ADGRL3: variants seen among roughly 807,000 people sequenced by gnomAD.
ADGRL3 encodes the protein adhesion G protein-coupled receptor L3, also known as calcium-independent alpha-latrotoxin receptor 3.
Under a neutral mutation model 153.5 loss-of-function variants are expected in ADGRL3, and 62 were observed. That is an observed-to-expected ratio of 0.40 (90% CI 0.33 to 0.50). The LOEUF is 0.50. ADGRL3 is among the 20% of genes least tolerant of loss of function. The probability of loss-of-function intolerance (pLI) is 0.47; values close to 1 mark genes in which losing one functional copy is unlikely to be tolerated. For synonymous variants in ADGRL3, 710 were observed against 672.5 expected, an observed-to-expected ratio of 1.06 and a Z score of -0.86; for missense variants, 1,641 against 1,859.4, an observed-to-expected ratio of 0.88 and a Z score of 2.16.
intron 1 of ADGRL3, among the ~76,000 whole-genome samples, chr4:61,349,858 A>G (rs1397627255): frequency 2.0e-5 from 3 of 152,146 alleles, no homozygotes; most frequent in Non-Finnish European, 2.9e-5. Flanking sequence ...GAATCAATAG[A>G]TGAATGAATG....
At chr4:61,391,059 A>G (rs2096796366) in intron 2 of ADGRL3, among the ~76,000 whole-genome samples, 3 of 152,166 alleles carry the variant, frequency 2.0e-5, no homozygotes, top group African/African-American at 4.8e-5. Context: ...CACTTGAGTT[A>G]TTTCTAATTT....
intron 4 of ADGRL3, among the ~76,000 whole-genome samples, chr4:61,532,542 G>A (rs938762087): frequency 9.1e-5 from 6 of 65,662 alleles, no homozygotes; most frequent in Admixed American, 5.9e-4. Context: ...GCGCGCGCGC[G>A]CGCGCGCGCG....
chr4:61,456,607 G>C (rs1251558096), intron 2 of ADGRL3, among the ~76,000 whole-genome samples: 2 of 150,634 alleles, frequency 1.3e-5, no homozygotes, highest in African/African-American at 4.9e-5. Context: ...GTGTAGCAGA[G>C]GCAGATAAAA....
At chr4:61,457,290 G>A (rs150137369) in intron 2 of ADGRL3, among the ~76,000 whole-genome samples, 311 of 151,908 alleles carry the variant, frequency 2.0e-3, no homozygotes, top group African/African-American at 5.7e-3. Flanking sequence ...CTGGCATCTG[G>A]TAGTCATAAT....
At chr4:61,839,733 G>A (rs1362473299) in intron 9 of ADGRL3, among the ~76,000 whole-genome samples, 1 of 151,712 alleles carries the variant, frequency 6.6e-6, no homozygotes, top group Non-Finnish European at 1.5e-5. Context: ...TAGGAGGTCA[G>A]GACCAGCATG....
At chr4:61,860,983 T>C (rs1169159241) in intron 9 of ADGRL3, among the ~76,000 whole-genome samples, 1 of 152,182 alleles carries the variant, frequency 6.6e-6, no homozygotes, top group Non-Finnish European at 1.5e-5. Context: ...CGGCATTAAA[T>C]CACTCATCAT....
chr4:61,431,794 C>CTTCAAAGATTA (rs1299046489), intron 2 of ADGRL3, among the ~76,000 whole-genome samples: 1 of 152,166 alleles, frequency 6.6e-6, no homozygotes, highest in Non-Finnish European at 1.5e-5. Context: ...TCATGTAACA[C>CTTCAAAGATTA]TTCAAAGATT....
intron 2 of ADGRL3, among the ~76,000 whole-genome samples, chr4:61,456,104 G>T (rs1046579540): frequency 6.6e-6 from 1 of 151,682 alleles, no homozygotes; most frequent in African/African-American, 2.4e-5. Flanking sequence ...ATGCCCGGCC[G>T]ACCCTACATT....
chr4:61,532,247 G>A (rs955294312), intron 4 of ADGRL3, among the ~76,000 whole-genome samples: 3 of 152,166 alleles, frequency 2.0e-5, no homozygotes, highest in Admixed American at 2.0e-4. Flanking sequence ...GCAGCTTTCT[G>A]CTTTATCTTC....
rs571693850 is a variant in ADGRL3, at chr4:61,931,275, C to T, written c.2113-3565C>T. Reference sequence around the variant, plus strand: ...AGACCAAATTATGAAGATTGCATTACCGAAGATTTATTCCTTCCAGATTTC... The same window carrying T: ...AGACCAAATTATGAAGATTGCATTATCGAAGATTTATTCCTTCCAGATTTC... On this transcript the variant is annotated intron_variant, in intron 13 of 26. Transcript: ENST00000683033. Among the ~76,000 whole-genome samples the T allele has an allele frequency of 2.6e-4, 39 of 152,254 alleles. No individual in the cohort carries two copies. The South Asian group carries it at 2.7e-3, about 11-fold the overall frequency.
chr4:61,785,732 G>A (rs1191523044), intron 8 of ADGRL3, among the ~76,000 whole-genome samples: 55 of 152,108 alleles, frequency 3.6e-4, no homozygotes, highest in Admixed American at 3.4e-3. Flanking sequence ...ATGTATTCTG[G>A]CAACTAGGCA....
At chr4:61,781,337 AAAAAAAAAAAGAAAAG>A (rs2097211356) in intron 8 of ADGRL3, among the ~76,000 whole-genome samples, 1 of 151,610 alleles carries the variant, frequency 6.6e-6, no homozygotes, top group Non-Finnish European at 1.5e-5. Flanking sequence ...CCTCCAAAAA[AAAAAAAAAAAGAAAAG>A]AAAAGAAAAA....
chr4:61,792,705 G>T (rs2152440527), intron 8 of ADGRL3, among the ~76,000 whole-genome samples: 1 of 151,950 alleles, frequency 6.6e-6, no homozygotes, highest in South Asian at 2.1e-4. Flanking sequence ...GGTCATGCTG[G>T]TCTTGAACTC....
intron 2 of ADGRL3, among the ~76,000 whole-genome samples, chr4:61,446,283 C>T (rs2097581269): frequency 6.6e-6 from 1 of 152,114 alleles, no homozygotes; most frequent in South Asian, 2.1e-4. Flanking sequence ...TGTATTCTCC[C>T]CTTCATTTCC....
intron 1 of ADGRL3, among the ~76,000 whole-genome samples, chr4:61,264,120 T>A: frequency 6.6e-6 from 1 of 152,048 alleles, no homozygotes; most frequent in East Asian, 1.9e-4. Context: ...TTTCTAACTT[T>A]GATTTTATTC....
chr4:61,311,046 A>G (rs1578217523), intron 1 of ADGRL3, among the ~76,000 whole-genome samples: 1 of 121,512 alleles, frequency 8.2e-6, no homozygotes, highest in South Asian at 2.8e-4. Context: ...CAACTCTAGG[A>G]AAAAAAAAAA....
Position 61,666,860 on chromosome 4 carries a change from T to C in ADGRL3, c.474-9966T>C, listed in dbSNP as rs550447611. 1.3e-4 allele frequency among the ~76,000 whole-genome samples: 20 copies of C among 152,276 alleles called. No homozygotes were observed. In the East Asian group the frequency reaches 3.9e-3, roughly 29 times the overall value. On this transcript the variant is annotated intron_variant, in intron 5 of 26. Coordinates refer to ENST00000683033, the MANE Select transcript of ADGRL3 (RefSeq NM_001387552.1). ...AAATGCTGCTACAAGTAGATAGTAATAAATGAATATAGATGTCATTCCAGT... is the reference window on the plus strand; with the variant it reads ...AAATGCTGCTACAAGTAGATAGTAACAAATGAATATAGATGTCATTCCAGT...
intron 8 of ADGRL3, among the ~76,000 whole-genome samples, chr4:61,755,804 T>C (rs1463541278): frequency 6.6e-6 from 1 of 152,226 alleles, no homozygotes; most frequent in Non-Finnish European, 1.5e-5. Context: ...GTATAAGGTG[T>C]AAAGAAGGGA....
chr4:61,208,913 C>T (rs1738549396), intron 1 of ADGRL3, among the ~76,000 whole-genome samples: 1 of 151,984 alleles, frequency 6.6e-6, no homozygotes, highest in Non-Finnish European at 1.5e-5. Context: ...TACTGTAGTT[C>T]AGTCTGTTTG....
Sources: allele counts gnomAD v4.1 joint callset (sites outside exome capture counted in the v4.1 genomes callset), GRCh38; gene constraint gnomAD v4.1.1; transcripts MANE v1.5; gene names NCBI Gene and HGNC (gene_info 2026-07-23, HGNC 2026-07-21).